The following GABPB1 variants were observed in gnomAD, a reference collection of about 807,000 sequenced individuals.
GABPB1 encodes the protein GA binding protein transcription factor subunit beta 1, also known as GA-binding protein subunit beta-1.
Under a neutral mutation model 45.9 loss-of-function variants are expected in GABPB1, and 15 were observed. The ratio of observed to expected loss-of-function variants is 0.33; its 90% confidence interval spans 0.22 to 0.50. The LOEUF (loss-of-function observed/expected upper bound fraction) is 0.50, where lower values mean the gene tolerates loss of function less well. GABPB1 is among the 20% of genes least tolerant of loss of function. The probability of loss-of-function intolerance (pLI) is 0.98; values close to 1 mark genes in which losing one functional copy is unlikely to be tolerated. For missense variants in GABPB1, 252 were observed against 457.5 expected, an observed-to-expected ratio of 0.55 and a Z score of 4.10; for synonymous variants, 143 against 154.4, an observed-to-expected ratio of 0.93 and a Z score of 0.55.
Position 50,278,670 on chromosome 15 carries a change from C to T in GABPB1, c.1114G>A (p.Ala372Thr). The T allele has an allele frequency of 6.2e-7, 1 of 1,613,054 alleles. No homozygotes were observed. The highest frequency in any genetic ancestry group is 8.5e-7 in the Non-Finnish European group (1 of 1,179,650). Residue 372 changes from alanine (A) to threonine (T), a missense_variant, in exon 9 of 9, where the codon GCT (alanine) becomes ACT (threonine). Transcript: ENST00000380877. ...EAEAYRQKLE[A>T]MTRLQTNKEA... Reference sequence around the variant, plus strand: ...TTATTAGTCTGAAGACGAGTCATAGCTTCCAACTTCTGTCTGTAGGCCTCT... The same window carrying T: ...TTATTAGTCTGAAGACGAGTCATAGTTTCCAACTTCTGTCTGTAGGCCTCT...
At chr15:50,311,003 A>G (rs1309395862) in intron 1 of GABPB1, among the ~76,000 whole-genome samples, 1 of 151,504 alleles carries the variant, frequency 6.6e-6, no homozygotes, top group Admixed American at 6.6e-5. Context: ...CCAGGAAAGA[A>G]TATCTTGTGC....
In GABPB1 at chr15:50,278,801, G is replaced by GT. The variant is rs778854291; in HGVS notation, c.1000-18_1000-17insA. The GT allele has an allele frequency of 4.1e-5, 61 of 1,493,986 alleles. 1 individual carries two copies. The South Asian group carries it at 6.8e-4, about 17-fold the overall frequency. The allele number at this position is 1,493,986 out of a possible 1,614,324, so 92.5% of individuals were successfully genotyped here. The stretch of plus-strand genomic sequence containing the variant: ...TTCTCTCTCCTAATTAAAAGAAGAG[G>GT]GTTTTTTTTTTAATTTTTGCAAAAA... On this transcript the variant is annotated splice_polypyrimidine_tract_variant and intron_variant, in intron 8 of 8. Transcript: ENST00000380877.
At chr15:50,329,291 T>A (rs778891937) in intron 1 of GABPB1, among the ~76,000 whole-genome samples, 1 of 152,238 alleles carries the variant, frequency 6.6e-6, no homozygotes, top group South Asian at 2.1e-4. Context: ...TTTATATGGA[T>A]TGAATTAAGA....
At chr15:50,318,858 C>G (rs941360968) in intron 1 of GABPB1, among the ~76,000 whole-genome samples, 1 of 152,206 alleles carries the variant, frequency 6.6e-6, no homozygotes, top group Non-Finnish European at 1.5e-5. Context: ...GTATACATGT[C>G]TCTTGTACAG....
At chr15:50,326,835 T>A (rs1595812453) in intron 1 of GABPB1, among the ~76,000 whole-genome samples, 1 of 145,186 alleles carries the variant, frequency 6.9e-6, no homozygotes. Flanking sequence ...CCCCCGTCTT[T>A]AAAAAAAAAA....
chr15:50,340,397 C>T (rs2048307443), intron 1 of GABPB1, among the ~76,000 whole-genome samples: 1 of 152,006 alleles, frequency 6.6e-6, no homozygotes, highest in South Asian at 2.1e-4. Flanking sequence ...AGCTCAAAAG[C>T]CCAAACACAG....
chr15:50,282,501 CCA>C, intron 8 of GABPB1: 2 of 268,250 alleles, frequency 7.5e-6, no homozygotes, highest in South Asian at 3.0e-5. Context: ...TTGCAGTGAG[CCA>C]TGATTGCACC....
intron 1 of GABPB1, among the ~76,000 whole-genome samples, chr15:50,338,006 T>G (rs971806597): frequency 6.6e-6 from 1 of 152,154 alleles, no homozygotes; most frequent in South Asian, 2.1e-4. Context: ...AAAAAAAAAT[T>G]TAAACTCTAA....
chr15:50,326,035 G>C (rs1310830412), intron 1 of GABPB1, among the ~76,000 whole-genome samples: 1 of 150,396 alleles, frequency 6.6e-6, no homozygotes, highest in Non-Finnish European at 1.5e-5. Context: ...AGCCTCTCAA[G>C]TAGCTGGGAA....
At position 50,275,603 on chromosome 15, in the gene GABPB1, T is replaced by G. The variant is rs2045829807; in HGVS notation, c.*3029A>C. ...GCTTTCATTACATGAGATTTCCCAT[T>G]TATCCTCTTTTCTCTCTAATTGTCT... is the stretch of plus-strand genomic sequence containing the variant. On this transcript the variant is annotated 3_prime_UTR_variant, in exon 9 of 9. Transcript: ENST00000380877. 1 of 152,152 alleles carries G rather than the reference T, an allele frequency of 6.6e-6. No individual in the cohort carries two copies. Among genetic ancestry groups the G allele is most frequent in the South Asian group, 2.1e-4 (1 of 4,822 alleles). The allele number at this position is 152,152 out of a possible 1,614,324, so 9.4% of individuals were successfully genotyped here.
At chr15:50,317,767 A>G (rs1426560159) in intron 1 of GABPB1, among the ~76,000 whole-genome samples, 1 of 151,802 alleles carries the variant, frequency 6.6e-6, no homozygotes, top group African/African-American at 2.4e-5. Context: ...AAATTAGCTG[A>G]GCGTGGTGAT....
rs1188478979 is a variant in GABPB1, at chr15:50,276,941, T to C, written c.*1691A>G. ...ACTAGTTTTTGGATCACTTAAAATA[T>C]GTCAAATTTAGTGGAAAATTGAAAA... On this transcript the variant is annotated 3_prime_UTR_variant, in exon 9 of 9. Coordinates refer to ENST00000380877, the MANE Select transcript of GABPB1 (RefSeq NM_016654.5). The C allele has an allele frequency of 6.6e-6, 1 of 152,272 alleles. No individual in the cohort carries two copies. The allele number at this position is 152,272 out of a possible 1,614,324, so 9.4% of individuals were successfully genotyped here.
intron 6 of GABPB1, among the ~76,000 whole-genome samples, chr15:50,297,203 G>A (rs12912679): frequency 0.12 from 17,099 of 140,470 alleles, 1,316 homozygotes; most frequent in Middle Eastern, 0.21. Flanking sequence ...GAGCCACTGA[G>A]CCCACCCATT....
intron 1 of GABPB1, among the ~76,000 whole-genome samples, chr15:50,343,212 G>C (rs138175555): frequency 1.0e-3 from 155 of 151,828 alleles, no homozygotes; most frequent in African/African-American, 3.6e-3. Context: ...CTTAACATTT[G>C]AAGCATAATC....
At chr15:50,348,630 G>A (rs991662879) in intron 1 of GABPB1, among the ~76,000 whole-genome samples, 11 of 151,602 alleles carry the variant, frequency 7.3e-5, no homozygotes, top group Non-Finnish European at 1.2e-4. Flanking sequence ...TTGGGAGGCC[G>A]AGGCAGGCAG....
rs567887731 is a variant in GABPB1, at chr15:50,294,659, C to T, written c.698-4991G>A. Among the ~76,000 whole-genome samples the T allele has an allele frequency of 5.1e-4, 77 of 152,290 alleles. 1 individual carries two copies. In the South Asian group the frequency reaches 0.012, roughly 23 times the overall value. ...CAAAACAACCTCATGAGGCCCCATA[C>T]ATACCCCTTAAAGCCAATTGAGTTG... On this transcript the variant is annotated intron_variant, in intron 6 of 8. Transcript: ENST00000380877.
At chr15:50,354,614 G>A (rs1456879597) in intron 1 of GABPB1, 3 of 444,340 alleles carry the variant, frequency 6.8e-6, no homozygotes, top group East Asian at 1.6e-4. Flanking sequence ...CAGAACCTCC[G>A]CTGCCTCGGC....
chr15:50,302,798 G>T (rs559001430), intron 4 of GABPB1, 131 bp downstream of exon 4: 6 of 609,776 alleles, frequency 9.8e-6, no homozygotes, highest in Non-Finnish European at 1.4e-5. Flanking sequence ...AGAGAAAAAG[G>T]CCTATCCAAA....
intron 1 of GABPB1, among the ~76,000 whole-genome samples, chr15:50,343,415 G>C (rs924754291): frequency 3.9e-5 from 6 of 152,186 alleles, no homozygotes; most frequent in Non-Finnish European, 7.3e-5. Context: ...TCTAGCACAA[G>C]TTGGTTCTGC....
Sources: gnomAD v4.1 joint callset for allele counts (sites outside exome capture counted in the v4.1 genomes callset) on GRCh38, gnomAD v4.1.1 for gene constraint, MANE v1.5 for transcripts, NCBI Gene and HGNC (gene_info 2026-07-23, HGNC 2026-07-21) for gene names.